CCDC141: variants seen among roughly 807,000 people sequenced by gnomAD.
CCDC141 encodes the protein coiled-coil domain-containing protein 141.
Under a neutral mutation model 181.0 loss-of-function variants are expected in CCDC141, and 168 were observed. The observed-to-expected ratio is 0.93, with a 90% CI of 0.82 to 1.05. The LOEUF is 1.05. Among genes scored for constraint, CCDC141 ranks in the 50% least tolerant of loss-of-function variants. The pLI is 0.00. For missense variants in CCDC141, 1,902 were observed against 1,788.5 expected (o/e 1.06, Z -1.14); for synonymous variants, 666 against 642.3 (o/e 1.04, Z -0.56).
At chr2:178,888,481 C>T (rs1686991507) in intron 9 of CCDC141, 46 bp downstream of exon 9, 4 of 1,528,656 alleles carry the variant, frequency 2.6e-6, no homozygotes, top group Middle Eastern at 1.8e-4. Flanking sequence ...ACCATATCAT[C>T]TATTATCACC....
intron 16 of CCDC141, among the ~76,000 whole-genome samples, chr2:178,867,154 TG>T (rs1174917187): frequency 6.6e-5 from 10 of 152,250 alleles, no homozygotes; most frequent in Admixed American, 1.3e-4. Flanking sequence ...TCAGGAGGCT[TG>T]GACTCCTCCA....
intron 2 of CCDC141, among the ~76,000 whole-genome samples, chr2:179,005,962 A>G (rs2042113143): frequency 6.6e-6 from 1 of 152,094 alleles, no homozygotes; most frequent in South Asian, 2.1e-4. Context: ...GTACCTCTCT[A>G]CCTTCTAGAT....
chr2:178,973,795 C>G (rs1279284974), intron 4 of CCDC141, among the ~76,000 whole-genome samples: 6 of 152,110 alleles, frequency 3.9e-5, no homozygotes, highest in Admixed American at 2.0e-4. Context: ...GTGTGATGAT[C>G]ATGTTGGTTG....
At chr2:178,928,089 C>T (rs1688975055) in intron 6 of CCDC141, among the ~76,000 whole-genome samples, 1 of 152,094 alleles carries the variant, frequency 6.6e-6, no homozygotes, top group Non-Finnish European at 1.5e-5. Flanking sequence ...AATAATTATG[C>T]TAATTGTTTC....
In CCDC141 at chr2:178,830,745, T is replaced by G. The variant is rs1257187148; in HGVS notation, c.*3428A>C. ...GTGCACATGGCAGGACCATCTACTC[T>G]GGACTTGATGGGTCAGGAGGCTTCC... On this transcript the variant is annotated 3_prime_UTR_variant, in exon 24 of 24. Transcript: ENST00000443758. 1 of 152,280 alleles carries G rather than the reference T, an allele frequency of 6.6e-6. No individual in the cohort carries two copies. Among genetic ancestry groups the G allele is most frequent in the Admixed American group, 6.5e-5 (1 of 15,274 alleles). The allele number at this position is 152,280 out of a possible 1,614,324, so 9.4% of individuals were successfully genotyped here.
At chr2:178,908,839 G>T (rs1381687375) in intron 7 of CCDC141, among the ~76,000 whole-genome samples, 1 of 152,188 alleles carries the variant, frequency 6.6e-6, no homozygotes, top group South Asian at 2.1e-4. Context: ...TGTCATGTTT[G>T]TTGTTTTGAG....
At chr2:179,045,153 C>T (rs2043450157) in intron 2 of CCDC141, among the ~76,000 whole-genome samples, 1 of 131,146 alleles carries the variant, frequency 7.6e-6, no homozygotes, top group African/African-American at 2.8e-5. Context: ...CAATGCTATC[C>T]CTCCCCCCTC....
chr2:178,815,754 T>C, the CCDC141 span, among the ~76,000 whole-genome samples: 1 of 152,258 alleles, frequency 6.6e-6, no homozygotes, highest in Non-Finnish European at 1.5e-5. Context: ...AAGTGCTATG[T>C]AAATAGTTAT....
rs1691063138 is a variant in CCDC141, at chr2:178,975,124, A to T, written c.459T>A (p.Asn153Lys). The change falls in exon 4 of 24, where the codon AAT (asparagine) becomes AAA (lysine). Residue 153 changes from asparagine to lysine, a missense_variant. Transcript: ENST00000443758. ...ACTCAGCACTCTCAAACTCATGAGT[A>T]TTCTGGAGGAAATCTTCAGCTTGGT... ...KIDQAEDFLQ[N>K]THEFESAESL... 1.3e-6 allele frequency: 2 copies of T among 1,519,492 alleles called. No homozygotes were observed. The highest frequency in any genetic ancestry group is 2.0e-5 in the Admixed American group (1 of 50,490). The allele number at this position is 1,519,492 out of a possible 1,614,324, so 94.1% of individuals were successfully genotyped here. A position where few individuals can be genotyped will look rare whatever the true frequency, so the allele number is the denominator to read the frequency against.
chr2:178,966,466 C>T (rs1690637694), intron 4 of CCDC141, among the ~76,000 whole-genome samples: 1 of 152,136 alleles, frequency 6.6e-6, no homozygotes, highest in Non-Finnish European at 1.5e-5. Flanking sequence ...CTGGTGATAC[C>T]CAGGCACACA....
chr2:178,957,741 T>A (rs1430670175), intron 5 of CCDC141, among the ~76,000 whole-genome samples: 1 of 152,190 alleles, frequency 6.6e-6, no homozygotes, highest in Non-Finnish European at 1.5e-5. Context: ...TTTATGTTTT[T>A]TGAGACAGAG....
At chr2:178,953,544 A>G (rs1690043747) in intron 5 of CCDC141, among the ~76,000 whole-genome samples, 1 of 152,216 alleles carries the variant, frequency 6.6e-6, no homozygotes, top group African/African-American at 2.4e-5. Context: ...GATACACTCA[A>G]GAATGCAGCC....
intron 2 of CCDC141, among the ~76,000 whole-genome samples, chr2:179,027,543 G>A: frequency 6.7e-6 from 1 of 150,230 alleles, no homozygotes; most frequent in East Asian, 2.0e-4. Flanking sequence ...TACTTGGGAG[G>A]CTGAGGCAGG....
chr2:178,882,592 T>C (rs543828440), intron 11 of CCDC141, among the ~76,000 whole-genome samples: 5 of 152,158 alleles, frequency 3.3e-5, no homozygotes, highest in African/African-American at 1.2e-4. Flanking sequence ...ATTTTTTTTT[T>C]CAGGGACGTA....
chr2:178,921,694 G>C lies in CCDC141; in HGVS notation c.898-2787C>G, dbSNP rs145372188. Reference sequence around the variant, plus strand: ...TAATAAACTGTTTGTAGTCATCTCAGGGGACCAATGCTCCAGTTGGAACAA... The same window carrying C: ...TAATAAACTGTTTGTAGTCATCTCACGGGACCAATGCTCCAGTTGGAACAA... On this transcript the variant is annotated intron_variant, in intron 6 of 23. Transcript: ENST00000443758. Among the ~76,000 whole-genome samples, 205 of 152,244 alleles carry C rather than the reference G, an allele frequency of 1.3e-3. 1 individual carries two copies. The highest frequency in any genetic ancestry group is 4.8e-3 in the African/African-American group (198 of 41,534).
At chr2:178,934,854 G>A (rs1445595760) in intron 6 of CCDC141, among the ~76,000 whole-genome samples, 1 of 152,122 alleles carries the variant, frequency 6.6e-6, no homozygotes, top group Non-Finnish European at 1.5e-5. Flanking sequence ...TCAGCTTGAT[G>A]CCTTATTTCT....
At chr2:178,988,444 A>G (rs1010609774) in intron 2 of CCDC141, among the ~76,000 whole-genome samples, 9 of 151,702 alleles carry the variant, frequency 5.9e-5, no homozygotes, top group African/African-American at 1.7e-4. Context: ...CAATGTGCAC[A>G]TGTACCCTAA....
At position 178,978,572 on chromosome 2, in the gene CCDC141, C is replaced by T. The variant is rs1254636726; in HGVS notation, c.329G>A (p.Gly110Asp). 1 of 1,549,968 alleles carries T rather than the reference C, an allele frequency of 6.5e-7. No individual in the cohort carries two copies. The highest frequency in any genetic ancestry group is 8.7e-7 in the Non-Finnish European group (1 of 1,146,758). ...QVYDAMAETL[G>D]EAWAALVSML... ...GGACACCAGAGCTGCCCATGCTTCACCCAGAGTCTCGGCCATGGCATCATA... is the reference window on the plus strand; with the variant it reads ...GGACACCAGAGCTGCCCATGCTTCATCCAGAGTCTCGGCCATGGCATCATA... Residue 110 changes from glycine (G) to aspartate (D), a missense_variant, in exon 3 of 24, where the codon GGT (glycine) becomes GAT (aspartate). By Grantham distance (94) the Gly-to-Asp change is moderately conservative (BLOSUM62 -1). Transcript: ENST00000443758.
intron 2 of CCDC141, among the ~76,000 whole-genome samples, chr2:179,037,455 C>T (rs998372573): frequency 6.6e-6 from 1 of 152,142 alleles, no homozygotes; most frequent in Non-Finnish European, 1.5e-5. Context: ...TTCACATTCA[C>T]AACACACATG....
Sources: allele counts gnomAD v4.1 joint callset (sites outside exome capture counted in the v4.1 genomes callset), GRCh38; gene constraint gnomAD v4.1.1; transcripts MANE v1.5; gene names NCBI Gene and HGNC (gene_info 2026-07-23, HGNC 2026-07-21).